ABCG2: variants seen among roughly 807,000 people sequenced by gnomAD.
ABCG2 encodes broad substrate specificity ATP-binding cassette transporter ABCG2.
In ABCG2, 80 loss-of-function variants were observed where a neutral mutation model predicts 73.5. The observed-to-expected ratio is 1.09, with a 90% CI of 0.91 to 1.31. The LOEUF (loss-of-function observed/expected upper bound fraction) is 1.31. Ranked by LOEUF, ABCG2 falls within the 50% of genes most tolerant of loss-of-function variation. The pLI, the probability that ABCG2 is intolerant of heterozygous loss-of-function variation, is 0.00. For missense variants in ABCG2, 796 were observed against 786.2 expected, an observed-to-expected ratio of 1.01 and a Z score of -0.15; for synonymous variants, 269 against 282.4, an observed-to-expected ratio of 0.95 and a Z score of 0.48.
chr4:88,145,524 G>A lies in ABCG2; in HGVS notation c.-19-5510C>T, dbSNP rs555762315. Reference sequence around the variant, plus strand: ...ATGGCAGCACAGTGATCTGGAGAACGCGGCCTAATTCCCGACAGACAGGAA... The same window carrying A: ...ATGGCAGCACAGTGATCTGGAGAACACGGCCTAATTCCCGACAGACAGGAA... On this transcript the variant is annotated intron_variant, in intron 1 of 15. Coordinates refer to ENST00000237612, the MANE Select transcript of ABCG2 (RefSeq NM_004827.3). Among the ~76,000 whole-genome samples the A allele has an allele frequency of 7.9e-5, 12 of 152,244 alleles. No individual in the cohort carries two copies. In the South Asian group the frequency reaches 1.0e-3, roughly 13 times the overall value.
chr4:88,125,746 A>C (rs1408688258), intron 5 of ABCG2, among the ~76,000 whole-genome samples: 1 of 152,158 alleles, frequency 6.6e-6, no homozygotes, highest in Non-Finnish European at 1.5e-5. Context: ...GAACAAAGAC[A>C]CAACGTACTA....
At chr4:88,095,743 A>G in intron 13 of ABCG2, 134 bp from the exon 14 acceptor site, 1 of 684,170 alleles carries the variant, frequency 1.5e-6, no homozygotes, top group South Asian at 1.7e-5. Flanking sequence ...AGTTCTCTCC[A>G]CTTACTCAAG....
intron 1 of ABCG2, among the ~76,000 whole-genome samples, chr4:88,206,162 A>T (rs1010437037): frequency 2.6e-5 from 4 of 152,126 alleles, no homozygotes; most frequent in African/African-American, 9.7e-5. Context: ...CTCCCAACTG[A>T]AAGAATCAAG....
intron 1 of ABCG2, among the ~76,000 whole-genome samples, chr4:88,168,069 G>A (rs1039572750): frequency 1.3e-5 from 2 of 151,788 alleles, no homozygotes; most frequent in Non-Finnish European, 1.5e-5. Flanking sequence ...AGACAGCATC[G>A]GGGAGGGGGC....
chr4:88,130,095 A>G (rs2110038009), intron 5 of ABCG2, among the ~76,000 whole-genome samples: 1 of 152,356 alleles, frequency 6.6e-6, no homozygotes, highest in South Asian at 2.1e-4. Flanking sequence ...TTGACCAAAT[A>G]TAATTTTGGA....
intron 5 of ABCG2, among the ~76,000 whole-genome samples, chr4:88,126,332 G>A (rs532305977): frequency 1.1e-4 from 16 of 152,188 alleles, no homozygotes; most frequent in Admixed American, 6.5e-4. Context: ...ATTCACAGCC[G>A]AATTCTACCA....
At position 88,176,647 on chromosome 4, in the gene ABCG2, A is replaced by ATT. The variant is rs35728226; in HGVS notation, c.-19-36635_-19-36634dup. ...AGGCACATGCCAGCACACCTGGCTA[A>ATT]TTTTTTTTTTTTTTTTTTTTTTTTT... is the stretch of plus-strand genomic sequence containing the variant. On this transcript the variant is annotated intron_variant, in intron 1 of 15. Transcript: ENST00000515655. 8.8e-4 allele frequency among the ~76,000 whole-genome samples: 79 copies of ATT among 90,158 alleles called. 2 individuals are homozygous for ATT. The highest frequency in any genetic ancestry group is 0.011 in the Middle Eastern group (2 of 176). The allele number at this position is 90,158 out of a possible 152,430, so 59.1% of individuals were successfully genotyped here.
At chr4:88,214,232 C>T (rs533975102) in intron 1 of ABCG2, among the ~76,000 whole-genome samples, 48 of 151,990 alleles carry the variant, frequency 3.2e-4, no homozygotes, top group Admixed American at 7.9e-4. Flanking sequence ...GCAGTGTACC[C>T]GCCTCAGCTT....
rs1017239657 is a variant in ABCG2, at chr4:88,100,782, G to A, written c.1367+448C>T. 7.2e-5 allele frequency among the ~76,000 whole-genome samples: 11 copies of A among 151,968 alleles called. No homozygotes were observed. In the East Asian group the frequency reaches 7.7e-4, roughly 11 times the overall value. ...GCTAAGCATGGTCACGTTCTTTGTC[G>A]ACTTAATCTCCCCACTTCCAAGTTG... On this transcript the variant is annotated intron_variant, in intron 11 of 15. Coordinates refer to ENST00000237612, the MANE Select transcript of ABCG2 (RefSeq NM_004827.3).
chr4:88,194,341 G>C (rs554985938), intron 1 of ABCG2, among the ~76,000 whole-genome samples: 1 of 151,696 alleles, frequency 6.6e-6, no homozygotes, highest in African/African-American at 2.4e-5. Flanking sequence ...ACGAGGTCAG[G>C]AGATAAAGAC....
intron 1 of ABCG2, among the ~76,000 whole-genome samples, chr4:88,191,267 G>A (rs1390261499): frequency 2.8e-5 from 4 of 141,340 alleles, no homozygotes; most frequent in South Asian, 4.6e-4. Context: ...GTGAGACTCC[G>A]TCTCAAAAAA....
chr4:88,111,795 A>C (rs1335920810), intron 9 of ABCG2, among the ~76,000 whole-genome samples: 1 of 152,160 alleles, frequency 6.6e-6, no homozygotes, highest in South Asian at 2.1e-4. Flanking sequence ...AGAGGGGTTA[A>C]GAATAACAGA....
intron 11 of ABCG2, among the ~76,000 whole-genome samples, chr4:88,100,180 T>C (rs2110185525): frequency 1.0e-5 from 1 of 98,856 alleles, no homozygotes; most frequent in East Asian, 2.6e-4. Flanking sequence ...ACCTTCTCTC[T>C]ACAAAAAAAT....
At chr4:88,104,305 C>A (rs1197557711) in intron 10 of ABCG2, among the ~76,000 whole-genome samples, 2 of 152,102 alleles carry the variant, frequency 1.3e-5, no homozygotes, top group African/African-American at 4.8e-5. Flanking sequence ...AGAACTAAAC[C>A]ACTGGCCTCG....
intron 1 of ABCG2, among the ~76,000 whole-genome samples, chr4:88,145,826 G>T (rs1165334162): frequency 1.7e-5 from 2 of 114,882 alleles, no homozygotes; most frequent in African/African-American, 5.6e-5. Flanking sequence ...TTTGATCCCA[G>T]CTACTCGGGA....
intron 1 of ABCG2, among the ~76,000 whole-genome samples, chr4:88,141,937 C>G (rs1046448264): frequency 3.9e-5 from 6 of 151,942 alleles, no homozygotes; most frequent in Non-Finnish European, 7.4e-5. Flanking sequence ...CAAAAACAAA[C>G]AAAAATTAAG....
chr4:88,160,419 TCTGAAGGCACTA>T (rs1423809262), upstream of ABCG2, among the ~76,000 whole-genome samples: 2 of 151,996 alleles, frequency 1.3e-5, no homozygotes, highest in Non-Finnish European at 2.9e-5. Context: ...TCCAGCAAGA[TCTGAAGGCACTA>T]CAGGAGGAGA....
chr4:88,149,571 G>T (rs1420060305), intron 1 of ABCG2, among the ~76,000 whole-genome samples: 1 of 152,162 alleles, frequency 6.6e-6, no homozygotes, highest in Non-Finnish European at 1.5e-5. Context: ...AATTAATTCG[G>T]CCGGGCATGG....
intron 1 of ABCG2, among the ~76,000 whole-genome samples, chr4:88,149,649 C>T (rs1022610340): frequency 7.9e-5 from 12 of 151,112 alleles, no homozygotes; most frequent in Admixed American, 3.3e-4. Flanking sequence ...GTCGGGAGTT[C>T]GAGACCAGCC....
Sources: gnomAD v4.1 joint callset for allele counts (sites outside exome capture counted in the v4.1 genomes callset) on GRCh38, gnomAD v4.1.1 for gene constraint, MANE v1.5 for transcripts, NCBI Gene and HGNC (gene_info 2026-07-23, HGNC 2026-07-21) for gene names.